Variants in PTPRM observed in about 807,000 individuals in gnomAD.
The protein encoded by PTPRM is protein tyrosine phosphatase receptor type M, also known as receptor-type tyrosine-protein phosphatase mu.
A neutral mutation model predicts 186.7 loss-of-function variants in PTPRM; 47 were observed. The observed-to-expected ratio is 0.25, with a 90% confidence interval of 0.20 to 0.32. The LOEUF (loss-of-function observed/expected upper bound fraction) is 0.32. Ranked by LOEUF, PTPRM falls within the 10% of genes least tolerant of loss-of-function variation. PTPRM has a pLI of 1.00. For synonymous variants in PTPRM, 668 were observed against 674.9 expected, an observed-to-expected ratio of 0.99 and a Z score of 0.16; for missense variants, 1,494 against 1,865.0, an observed-to-expected ratio of 0.80 and a Z score of 3.66.
chr18:8,317,809 T>C (rs1414458043), intron 21 of PTPRM, among the ~76,000 whole-genome samples: 1 of 152,196 alleles, frequency 6.6e-6, no homozygotes, highest in Non-Finnish European at 1.5e-5. Context: ...ACTCTCTGGG[T>C]GACTTCACCA....
intron 14 of PTPRM, among the ~76,000 whole-genome samples, chr18:8,240,843 A>AAAAGAAAG (rs571762632): frequency 1.3e-5 from 1 of 79,998 alleles, no homozygotes; most frequent in African/African-American, 6.2e-5. Context: ...AGAAAGAAAG[A>AAAAGAAAG]AAAGAAAGAA....
intron 1 of PTPRM, among the ~76,000 whole-genome samples, chr18:7,673,760 G>C (rs1332182736): frequency 2.0e-5 from 3 of 152,162 alleles, no homozygotes; most frequent in African/African-American, 7.2e-5. Flanking sequence ...AGGTCAGAAG[G>C]CCACACTATT....
chr18:7,939,709 A>G (rs989753160), intron 5 of PTPRM, among the ~76,000 whole-genome samples: 7 of 152,164 alleles, frequency 4.6e-5, no homozygotes, highest in Non-Finnish European at 4.4e-5. Context: ...TGTGCTTTGC[A>G]TGGTGTCTGA....
At chr18:8,147,494 T>C (rs767549467) in intron 14 of PTPRM, among the ~76,000 whole-genome samples, 12 of 152,204 alleles carry the variant, frequency 7.9e-5, no homozygotes, top group Non-Finnish European at 1.8e-4. Flanking sequence ...TTGCGTTGAT[T>C]TTGTATCCTG....
intron 2 of PTPRM, among the ~76,000 whole-genome samples, chr18:7,843,962 G>A (rs958837251): frequency 6.6e-6 from 1 of 152,170 alleles, no homozygotes; most frequent in Non-Finnish European, 1.5e-5. Flanking sequence ...CATACATATG[G>A]CCTCTTCATG....
At chr18:7,647,595 T>G (rs1176329280) in intron 1 of PTPRM, among the ~76,000 whole-genome samples, 1 of 152,270 alleles carries the variant, frequency 6.6e-6, no homozygotes, top group Non-Finnish European at 1.5e-5. Flanking sequence ...TCAGAACTGC[T>G]CTACATTTGT....
At position 7,699,702 on chromosome 18, in the gene PTPRM, A is replaced by T. The variant is rs747147559; in HGVS notation, c.74-74447A>T. Among the ~76,000 whole-genome samples, 12 of 149,718 alleles carry T rather than the reference A, an allele frequency of 8.0e-5. No individual in the cohort carries two copies. The South Asian group carries it at 2.4e-3, about 29-fold the overall frequency. ...CCACTGCACCTGGCCAAAAGCTATT[A>T]ATTTTAATAGAGTCTAACTTACAAG... On this transcript the variant is annotated intron_variant, in intron 1 of 32. Transcript: ENST00000580170.
chr18:8,315,244 A>G (rs967002793), intron 21 of PTPRM, among the ~76,000 whole-genome samples: 7 of 152,144 alleles, frequency 4.6e-5, no homozygotes, highest in Admixed American at 2.6e-4. Context: ...ATTATTCGAC[A>G]CTTAAAAAAT....
At chr18:7,598,351 G>A (rs1420845638) in intron 1 of PTPRM, among the ~76,000 whole-genome samples, 3 of 152,140 alleles carry the variant, frequency 2.0e-5, no homozygotes, top group African/African-American at 7.2e-5. Flanking sequence ...TGTGTTTCTA[G>A]TTATACAAAC....
chr18:7,627,091 G>A lies in PTPRM; in HGVS notation c.73+59200G>A, dbSNP rs575840749. ...CTCCTTCCTCTTCTCGAGGTTCTGG[G>A]ATGACTCACACTGAAATATTGGTGG... On this transcript the variant is annotated intron_variant, in intron 1 of 32. Transcript: ENST00000580170. Among the ~76,000 whole-genome samples the A allele has an allele frequency of 3.9e-5, 6 of 152,188 alleles. No individual in the cohort carries two copies. The South Asian group carries it at 8.3e-4, about 21-fold the overall frequency.
At chr18:7,697,089 A>G (rs1427958563) in intron 1 of PTPRM, among the ~76,000 whole-genome samples, 1 of 152,206 alleles carries the variant, frequency 6.6e-6, no homozygotes, top group Admixed American at 6.5e-5. Context: ...GTTAGCATAT[A>G]CCAAACAGCA....
chr18:8,166,249 A>C (rs1337739908), intron 14 of PTPRM, among the ~76,000 whole-genome samples: 1 of 152,130 alleles, frequency 6.6e-6, no homozygotes, highest in Admixed American at 6.6e-5. Flanking sequence ...GCTTTACGTC[A>C]TTACTGAGGC....
At chr18:8,375,948 C>T in intron 24 of PTPRM, 98 bp from the exon 25 acceptor site, 2 of 1,327,824 alleles carry the variant, frequency 1.5e-6, no homozygotes, top group East Asian at 2.3e-5. Context: ...CCTAGACTTG[C>T]TACCTGGGGA....
chr18:8,076,500 A>C lies in PTPRM; in HGVS notation c.1487A>C (p.Glu496Ala). ...GAATCCATACAAGGAAGTACCTTTG[A>C]AGAGAAGATATTTCTTCAGTGGAGA... ...PTESIQGSTF[E>A]EKIFLQWREP... Residue 496 changes from glutamate (E) to alanine (A), a missense_variant, in exon 9 of 33, where the codon GAA becomes GCA. Coordinates refer to ENST00000580170, the MANE Select transcript of PTPRM (RefSeq NM_001105244.2). 6.2e-7 allele frequency: 1 copy of C among 1,610,552 alleles called. No individual in the cohort carries two copies. Among genetic ancestry groups the C allele is most frequent in the South Asian group, 1.1e-5 (1 of 90,818 alleles).
At chr18:7,954,140 C>T (rs114379636) in intron 6 of PTPRM, among the ~76,000 whole-genome samples, 1,895 of 152,230 alleles carry the variant, frequency 0.012, 29 homozygotes, top group African/African-American at 0.043. Context: ...AGCCTTTCAA[C>T]GGGCATCTAA....
At chr18:8,282,304 G>A (rs1275141874) in intron 19 of PTPRM, among the ~76,000 whole-genome samples, 1 of 152,230 alleles carries the variant, frequency 6.6e-6, no homozygotes, top group African/African-American at 2.4e-5. Context: ...TGTATTTCTT[G>A]TAAACTGCTG....
intron 2 of PTPRM, among the ~76,000 whole-genome samples, chr18:7,841,694 A>G (rs2046334082): frequency 6.6e-6 from 1 of 152,230 alleles, no homozygotes; most frequent in South Asian, 2.1e-4. Flanking sequence ...TGACATTAGC[A>G]TAATCGTGAA....
intron 14 of PTPRM, among the ~76,000 whole-genome samples, chr18:8,201,277 C>T (rs922136588): frequency 6.6e-6 from 1 of 152,228 alleles, no homozygotes; most frequent in African/African-American, 2.4e-5. Flanking sequence ...CATCGTGCCA[C>T]TGCACCCCAG....
Position 7,937,571 on chromosome 18 carries a change from C to T in PTPRM, c.663+10888C>T, listed in dbSNP as rs954272930. 2.0e-5 allele frequency among the ~76,000 whole-genome samples: 3 copies of T among 152,222 alleles called. No homozygotes were observed. In the East Asian group the frequency reaches 5.8e-4, roughly 29 times the overall value. ...CGCAGCCTGCCAAGCCAAGTGGGCC[C>T]GCTGGGCCCGAGCAAAACTCAGGTA... On this transcript the variant is annotated intron_variant, in intron 5 of 32. Coordinates refer to ENST00000580170, the MANE Select transcript of PTPRM (RefSeq NM_001105244.2).
Sources: gnomAD v4.1 joint callset for allele counts (sites outside exome capture counted in the v4.1 genomes callset) on GRCh38, gnomAD v4.1.1 for gene constraint, MANE v1.5 for transcripts, NCBI Gene and HGNC (gene_info 2026-07-23, HGNC 2026-07-21) for gene names.